PLA2G3: variants seen among roughly 807,000 people sequenced by gnomAD.
PLA2G3 encodes the protein group 3 secretory phospholipase A2.
PLA2G3 carries 39 observed loss-of-function variants against 51.3 expected under a neutral mutation model. That is an observed-to-expected ratio of 0.76 (90% confidence interval 0.59 to 0.99). PLA2G3 has a LOEUF of 0.99. Among genes scored for constraint, PLA2G3 ranks in the 50% least tolerant of loss-of-function variants. The pLI, the probability that PLA2G3 is intolerant of heterozygous loss-of-function variation, is 0.00. For missense variants in PLA2G3, 677 were observed against 662.1 expected (o/e 1.02, Z -0.25); for synonymous variants, 293 against 263.1 (o/e 1.11, Z -1.10).
intron 1 of PLA2G3, among the ~76,000 whole-genome samples, chr22:31,139,310 A>G (rs1922762268): frequency 6.6e-6 from 1 of 152,184 alleles, no homozygotes; most frequent in Non-Finnish European, 1.5e-5. Context: ...GTTTATTACC[A>G]TCTAAAAAAT....
At position 31,140,003 on chromosome 22, in the gene PLA2G3, A is replaced by C; in HGVS notation, c.352T>G (p.Cys118Gly). ...GCTGGACTCTCCTCAAGCGCTCGGC[A>C]TGCCTCCCACTGACTCTGAAGAGTG... ...LATLQSQWEA[C>G]RALEESPAGA... Residue 118 changes from cysteine to glycine, a missense_variant, in exon 1 of 7, where the codon TGC becomes GGC. Physicochemically the swap from Cys to Gly is radical, Grantham distance 159. Transcript: ENST00000215885. 1.2e-6 allele frequency: 2 copies of C among 1,613,708 alleles called. No individual in the cohort carries two copies. Among genetic ancestry groups the C allele is most frequent in the Non-Finnish European group, 1.7e-6 (2 of 1,180,018 alleles).
chr22:31,138,231 G>A (rs769300319), intron 3 of PLA2G3, 45 bp downstream of exon 3: 4 of 1,600,450 alleles, frequency 2.5e-6, no homozygotes, highest in Admixed American at 1.7e-5. Flanking sequence ...TGGAGCCTGG[G>A]CTCCCTCTCT....
chr22:31,135,924 G>C lies in PLA2G3; in HGVS notation c.1329C>G (p.Asp443Glu). The change falls in exon 7 of 7, where the codon GAC becomes GAG. Residue 443 changes from aspartate to glutamate, a missense_variant. Coordinates refer to ENST00000215885, the MANE Select transcript of PLA2G3 (RefSeq NM_015715.5). ...GGGCTGACACCCTGATGGCCCTAGG[G>C]TCTCTGGAACAGCTGTAAGGAGAGA... ...DCVEGKNCSR[D>E]PRAIRVSARH... 6.2e-7 allele frequency: 1 copy of C among 1,613,366 alleles called. No homozygotes were observed. The highest frequency in any genetic ancestry group is 1.7e-4 in the Middle Eastern group (1 of 6,044).
Position 31,139,931 on chromosome 22 carries a change from C to T in PLA2G3, c.424G>A (p.Gly142Arg), listed in dbSNP as rs2147897076. The change falls in exon 1 of 7, where the codon GGA (glycine) becomes AGA (arginine). Residue 142 changes from glycine to arginine, a missense_variant. Physicochemically the swap from Gly to Arg is moderately radical, Grantham distance 125 (BLOSUM62 -2). Transcript: ENST00000215885. ...CCTCTCTTCTCTCGCTGGTGCCCTCCACCAGGGACTCCACTCTGCCCTGCT... is the reference window on the plus strand; with the variant it reads ...CCTCTCTTCTCTCGCTGGTGCCCTCTACCAGGGACTCCACTCTGCCCTGCT... ...RAAGQSGVPG[G>R]GHQREKRGWT... 6.2e-7 allele frequency: 1 copy of T among 1,614,042 alleles called. No homozygotes were observed.
At chr22:31,139,584 C>G (rs1922775743) in intron 1 of PLA2G3, among the ~76,000 whole-genome samples, 1 of 152,162 alleles carries the variant, frequency 6.6e-6, no homozygotes, top group Admixed American at 6.5e-5. Flanking sequence ...TGGATCCTCC[C>G]CCAGCCTGCC....
At chr22:31,136,554 G>C in intron 6 of PLA2G3, 129 bp downstream of exon 6, 1 of 729,674 alleles carries the variant, frequency 1.4e-6, no homozygotes, top group Middle Eastern at 2.9e-4. Flanking sequence ...AGAGGGATGA[G>C]GCTATGGATA....
chr22:31,135,576 T>G lies in PLA2G3; in HGVS notation c.*147A>C. Reference sequence around the variant, plus strand: ...GAGATGTGGTCCAGCATTTGGGCCTTGAGATCCCCCCATTCATCCTCTTGA... The same window carrying G: ...GAGATGTGGTCCAGCATTTGGGCCTGGAGATCCCCCCATTCATCCTCTTGA... On this transcript the variant is annotated 3_prime_UTR_variant, in exon 7 of 7. Coordinates refer to ENST00000215885, the MANE Select transcript of PLA2G3 (RefSeq NM_015715.5). 3.0e-6 allele frequency: 2 copies of G among 669,544 alleles called. No individual in the cohort carries two copies. Among genetic ancestry groups the G allele is most frequent in the Non-Finnish European group, 2.6e-6 (1 of 378,534 alleles). 41.5% of individuals were successfully genotyped at this position (669,544 alleles called of 1,614,324 possible).
Position 31,138,406 on chromosome 22 carries a change from G to T in PLA2G3, c.652C>A (p.Gln218Lys). ...TCGTGCTGATTCTGTAGGCATTGCT[G>T]AAACCTGCCCCAGAACAGATACCCA... ...ISHCDCDTRF[Q>K]QCLQNQHDSI... The change falls in exon 3 of 7, where the codon CAG becomes AAG. Residue 218 changes from glutamine (Q) to lysine (K), a missense_variant. By Grantham distance (53) the Gln-to-Lys change is moderately conservative. Coordinates refer to ENST00000215885, the MANE Select transcript of PLA2G3 (RefSeq NM_015715.5). The T allele has an allele frequency of 6.2e-7, 1 of 1,613,858 alleles. No individual in the cohort carries two copies. Among genetic ancestry groups the T allele is most frequent in the Non-Finnish European group, 8.5e-7 (1 of 1,179,928 alleles).
intron 4 of PLA2G3, 141 bp downstream of exon 4, chr22:31,137,569 T>C (rs1922648213): frequency 2.6e-6 from 2 of 768,204 alleles, no homozygotes; most frequent in South Asian, 1.7e-5. Flanking sequence ...AATCCTGTGC[T>C]GCAGTGTGAT....
Position 31,138,334 on chromosome 22 carries a change from T to C in PLA2G3, c.724A>G (p.Ile242Val). ...VGVAFFNVLE[I>V]PCFVLEEQEA... ...TGCTCCTCCAGCACAAAGCAGGGGATCTCCAGCACGTTGAAGAAGGCCACG... is the reference window on the plus strand; with the variant it reads ...TGCTCCTCCAGCACAAAGCAGGGGACCTCCAGCACGTTGAAGAAGGCCACG... Residue 242 changes from isoleucine (I) to valine (V), a missense_variant, in exon 3 of 7, where the codon ATC (isoleucine) becomes GTC (valine). Coordinates refer to ENST00000215885, the MANE Select transcript of PLA2G3 (RefSeq NM_015715.5). The C allele has an allele frequency of 6.2e-7, 1 of 1,613,880 alleles. No homozygotes were observed.
At chr22:31,138,140 C>T (rs1479409690) in intron 3 of PLA2G3, 136 bp downstream of exon 3, 1 of 1,350,646 alleles carries the variant, frequency 7.4e-7, no homozygotes, top group Non-Finnish European at 1.0e-6. Context: ...GTCTGCATCC[C>T]GGGCCCTCAG....
In PLA2G3 at chr22:31,139,827, C is replaced by T; in HGVS notation, c.514+14G>A. ...CGATCGGACCCCCCAGCCCACACACCCCTCATGGCTCACCCAGCTCCGAGG... is the reference window on the plus strand; with the variant it reads ...CGATCGGACCCCCCAGCCCACACACTCCTCATGGCTCACCCAGCTCCGAGG... On this transcript the variant is annotated intron_variant, in intron 1 of 6. Transcript: ENST00000215885. 6 of 1,597,242 alleles carry T rather than the reference C, an allele frequency of 3.8e-6. No homozygotes were observed. The highest frequency in any genetic ancestry group is 5.1e-6 in the Non-Finnish European group (6 of 1,166,984).
intron 4 of PLA2G3, 143 bp from the exon 5 acceptor site, chr22:31,137,183 G>A (rs940688846): frequency 8.6e-6 from 8 of 925,736 alleles, no homozygotes; most frequent in African/African-American, 5.1e-5. Context: ...GAGTCTTTGT[G>A]CCCTCAGTGT....
At position 31,134,928 on chromosome 22, in the gene PLA2G3, A is replaced by T. The variant is rs1240042754; in HGVS notation, c.*795T>A. 6.5e-6 allele frequency: 1 copy of T among 154,024 alleles called. No individual in the cohort carries two copies. The highest frequency in any genetic ancestry group is 1.4e-5 in the Non-Finnish European group (1 of 69,468). 9.5% of individuals were successfully genotyped at this position (154,024 alleles called of 1,614,324 possible). On this transcript the variant is annotated 3_prime_UTR_variant, in exon 7 of 7. Coordinates refer to ENST00000215885, the MANE Select transcript of PLA2G3 (RefSeq NM_015715.5). ...TAAAAGGTTACATCAACCTCTCAAGATCAGACACCAAACCATAGTTCAGCT... is the reference window on the plus strand; with the variant it reads ...TAAAAGGTTACATCAACCTCTCAAGTTCAGACACCAAACCATAGTTCAGCT...
chr22:31,138,304 C>T lies in PLA2G3; in HGVS notation c.754G>A (p.Ala252Thr), dbSNP rs1245356101. The change falls in exon 3 of 7, where the codon GCG (alanine) becomes ACG (threonine). Residue 252 changes from alanine (A) to threonine (T), a missense_variant. Ala to Thr is a moderately conservative substitution (Grantham distance 58). Coordinates refer to ENST00000215885, the MANE Select transcript of PLA2G3 (RefSeq NM_015715.5). ...IPCFVLEEQE[A>T]CVAWYWWGGC... ...CCCCACCAGTACCACGCCACACACG[C>T]CTCCTGCTCCTCCAGCACAAAGCAG... is the stretch of plus-strand genomic sequence containing the variant. The T allele has an allele frequency of 4.3e-6, 7 of 1,613,802 alleles. No homozygotes were observed. In the East Asian group the frequency reaches 6.7e-5, roughly 15 times the overall value.
chr22:31,139,124 A>G (rs1185715255), intron 1 of PLA2G3, among the ~76,000 whole-genome samples: 2 of 152,154 alleles, frequency 1.3e-5, no homozygotes, highest in Non-Finnish European at 2.9e-5. Flanking sequence ...ATAAAACTCC[A>G]AAATTATGAA....
chr22:31,135,017 C>T lies in PLA2G3; in HGVS notation c.*706G>A, dbSNP rs1922474610. ...CTGTATATGTATTGGTTCACTTAAT[C>T]CTCAACAACCCTATGAGGTAGCTCC... On this transcript the variant is annotated 3_prime_UTR_variant, in exon 7 of 7. Coordinates refer to ENST00000215885, the MANE Select transcript of PLA2G3 (RefSeq NM_015715.5). 6.5e-6 allele frequency: 1 copy of T among 152,764 alleles called. No homozygotes were observed. The highest frequency in any genetic ancestry group is 2.1e-4 in the South Asian group (1 of 4,846). The allele number at this position is 152,764 out of a possible 1,614,324, so 9.5% of individuals were successfully genotyped here. A position where few individuals can be genotyped will look rare whatever the true frequency, so the allele number is the denominator to read the frequency against.
intron 4 of PLA2G3, 48 bp downstream of exon 4, chr22:31,137,662 G>C: frequency 6.6e-7 from 1 of 1,518,742 alleles, no homozygotes; most frequent in Non-Finnish European, 8.8e-7. Context: ...ACAGAAGCAG[G>C]GACACCCCCT....
At position 31,139,742 on chromosome 22, in the gene PLA2G3, TC is replaced by T. The variant is rs1459344348; in HGVS notation, c.514+98del. 12 of 775,328 alleles carry T rather than the reference TC, an allele frequency of 1.5e-5. No homozygotes were observed. In the Admixed American group the frequency reaches 3.3e-4, roughly 21 times the overall value. The allele number at this position is 775,328 out of a possible 1,614,324, so 48.0% of individuals were successfully genotyped here. ...TTGAGGTTCACCATGGTCAAGTCAC[TC>T]CCCCAGGGACACACAGCCTAGGAGA... is the stretch of plus-strand genomic sequence containing the variant. On this transcript the variant is annotated intron_variant, in intron 1 of 6. Coordinates refer to ENST00000215885, the MANE Select transcript of PLA2G3 (RefSeq NM_015715.5).
Sources: gnomAD v4.1 joint callset for allele counts (sites outside exome capture counted in the v4.1 genomes callset) on GRCh38, gnomAD v4.1.1 for gene constraint, MANE v1.5 for transcripts, NCBI Gene and HGNC (gene_info 2026-07-23, HGNC 2026-07-21) for gene names.